Variants in G2E3 observed in about 807,000 individuals in gnomAD.
G2E3 encodes G2/M phase-specific E3 ubiquitin-protein ligase.
Under a neutral mutation model 92.8 loss-of-function variants are expected in G2E3, and 35 were observed. The observed-to-expected ratio is 0.38, with a 90% CI of 0.29 to 0.50. The LOEUF (loss-of-function observed/expected upper bound fraction) is 0.50. G2E3 is among the 20% of genes least tolerant of loss of function. G2E3 has a pLI of 0.94. For synonymous variants in G2E3, 242 were observed against 272.4 expected (o/e 0.89, Z 1.10); for missense variants, 554 against 823.8 (o/e 0.67, Z 4.01).
rs1470887577 is a variant in G2E3 at position 30,619,486 on chromosome 14, G to C, written c.*2952G>C. On this transcript the variant is annotated 3_prime_UTR_variant, in exon 15 of 15. Coordinates refer to ENST00000206595, the MANE Select transcript of G2E3 (RefSeq NM_017769.5). Reference sequence around the variant, plus strand: ...GTACTGCATTGTTACTTTAAAATAAGCTATTAAACTAGTTTTTATGGTTCA... The same window carrying C: ...GTACTGCATTGTTACTTTAAAATAACCTATTAAACTAGTTTTTATGGTTCA... 6.6e-6 allele frequency: 1 copy of C among 152,044 alleles called. No individual in the cohort carries two copies. Among genetic ancestry groups the C allele is most frequent in the Non-Finnish European group, 1.5e-5 (1 of 67,946 alleles). 9.4% of individuals were successfully genotyped at this position (152,044 alleles called of 1,614,324 possible).
intron 10 of G2E3, 131 bp from the exon 11 acceptor site, chr14:30,605,374 G>C: frequency 2.2e-6 from 1 of 447,714 alleles, no homozygotes; most frequent in Non-Finnish European, 4.0e-6. Context: ...TTACAATTTT[G>C]GGTGGGAATT....
intron 13 of G2E3, 53 bp downstream of exon 13, chr14:30,612,432 T>G: frequency 9.1e-7 from 1 of 1,102,194 alleles, no homozygotes; most frequent in Non-Finnish European, 1.3e-6. Context: ...TTTAAAGTGG[T>G]TAATTATCTT....
At chr14:30,612,111 A>G in intron 12 of G2E3, 96 bp from the exon 13 acceptor site, 1 of 843,976 alleles carries the variant, frequency 1.2e-6, no homozygotes. Flanking sequence ...CATATGTACT[A>G]AGAAATTTGA....
chr14:30,578,534 A>C (rs1026081494), intron 1 of G2E3, among the ~76,000 whole-genome samples: 3 of 152,240 alleles, frequency 2.0e-5, no homozygotes, highest in African/African-American at 7.2e-5. Flanking sequence ...AGTAGATTTT[A>C]TACAGGATTT....
chr14:30,619,003 A>G lies in G2E3; in HGVS notation c.*2469A>G, dbSNP rs958986572. The stretch of plus-strand genomic sequence containing the variant: ...GTTGAGGAAAACTATAAATTGATCT[A>G]TAATGCATCTACTGTTAATGGTTTT... On this transcript the variant is annotated 3_prime_UTR_variant, in exon 15 of 15. Transcript: ENST00000206595. The G allele has an allele frequency of 6.6e-6, 1 of 152,104 alleles. No homozygotes were observed. The highest frequency in any genetic ancestry group is 1.5e-5 in the Non-Finnish European group (1 of 67,944). The allele number at this position is 152,104 out of a possible 1,614,324, so 9.4% of individuals were successfully genotyped here.
Position 30,597,497 on chromosome 14 carries a change from G to A in G2E3, c.606G>A (p.Met202Ile). The change falls in exon 7 of 15, where the codon ATG (methionine) becomes ATA (isoleucine). Residue 202 changes from methionine to isoleucine, a missense_variant. Met to Ile is a conservative substitution (Grantham distance 10). Around this residue, in one of 3 missense-constraint regions of G2E3, gnomAD observed 20 missense variants for 62.3 expected, o/e 0.32. Coordinates refer to ENST00000206595, the MANE Select transcript of G2E3 (RefSeq NM_017769.5). ...ATAGTGACATCTTTCAGAAAGAGATGTTGAGAATGGGAATTCATATTCCTG... is the reference window on the plus strand; with the variant it reads ...ATAGTGACATCTTTCAGAAAGAGATATTGAGAATGGGAATTCATATTCCTG... ...CNNSDIFQKE[M>I]LRMGIHIPEK... is the part of the protein sequence containing the mutation. The A allele has an allele frequency of 1.3e-6, 2 of 1,554,152 alleles. No homozygotes were observed. The highest frequency in any genetic ancestry group is 1.8e-6 in the Non-Finnish European group (2 of 1,125,484).
At chr14:30,609,346 T>C (rs1275563790) in intron 12 of G2E3, among the ~76,000 whole-genome samples, 1 of 152,206 alleles carries the variant, frequency 6.6e-6, no homozygotes, top group Non-Finnish European at 1.5e-5. Flanking sequence ...TAGTTCATAG[T>C]TTATATCCAG....
chr14:30,569,350 G>A (rs1298488163), intron 1 of G2E3, among the ~76,000 whole-genome samples: 2 of 152,092 alleles, frequency 1.3e-5, no homozygotes, highest in African/African-American at 2.4e-5. Flanking sequence ...TAATAGGTAG[G>A]TATTATCATC....
chr14:30,614,776 C>G (rs919065807), intron 13 of G2E3, among the ~76,000 whole-genome samples: 17 of 152,300 alleles, frequency 1.1e-4, no homozygotes, highest in African/African-American at 3.6e-4. Flanking sequence ...TTAAAATATT[C>G]AGTTGTTACT....
chr14:30,597,324 A>G, intron 6 of G2E3, 96 bp from the exon 7 acceptor site: 1 of 737,606 alleles, frequency 1.4e-6, no homozygotes, highest in South Asian at 1.6e-5. Context: ...TGTTTTCATA[A>G]TATATTGTTA....
chr14:30,610,078 T>A (rs1255548589), intron 12 of G2E3, among the ~76,000 whole-genome samples: 2 of 152,216 alleles, frequency 1.3e-5, no homozygotes, highest in Non-Finnish European at 2.9e-5. Context: ...TTGAAGCTCT[T>A]CATTAGGGCA....
At chr14:30,604,716 TA>T (rs947641142) in intron 10 of G2E3, among the ~76,000 whole-genome samples, 16 of 152,352 alleles carry the variant, frequency 1.1e-4, no homozygotes, top group African/African-American at 3.1e-4. Flanking sequence ...CTTTATGATT[TA>T]AAATATATTG....
In G2E3 at chr14:30,618,597, A is replaced by C. The variant is rs887883912; in HGVS notation, c.*2063A>C. ...TTCAATTCCTCATTTGACTTATTTT[A>C]TATATAGACAGGGCCTTAGTGATAA... On this transcript the variant is annotated 3_prime_UTR_variant, in exon 15 of 15. Transcript: ENST00000206595. The C allele has an allele frequency of 2.6e-5, 4 of 152,106 alleles. No individual in the cohort carries two copies. The highest frequency in any genetic ancestry group is 9.7e-5 in the African/African-American group (4 of 41,446). The allele number at this position is 152,106 out of a possible 1,614,324, so 9.4% of individuals were successfully genotyped here.
At chr14:30,590,993 AT>A (rs1880979582) in intron 4 of G2E3, 1 of 225,624 alleles carries the variant, frequency 4.4e-6, no homozygotes, top group Non-Finnish European at 9.0e-6. Flanking sequence ...TCCAATGAGC[AT>A]TTCCTTTGAG....
chr14:30,587,853 C>G (rs1176676549), intron 3 of G2E3, among the ~76,000 whole-genome samples: 1 of 152,226 alleles, frequency 6.6e-6, no homozygotes. Flanking sequence ...ACTAATGTCA[C>G]TTTTGCTTTA....
chr14:30,603,537 C>T (rs1033239242), intron 10 of G2E3, among the ~76,000 whole-genome samples: 1 of 152,084 alleles, frequency 6.6e-6, no homozygotes, highest in Non-Finnish European at 1.5e-5. Flanking sequence ...TGATGAAATA[C>T]TTTCTTGTTA....
At chr14:30,611,294 G>A (rs964736107) in intron 12 of G2E3, 1 of 152,088 alleles carries the variant, frequency 6.6e-6, no homozygotes, top group African/African-American at 2.4e-5. Context: ...ACTCCGACAG[G>A]GTGTAAAGAT....
At position 30,589,493 on chromosome 14, in the gene G2E3, A is replaced by G. The variant is rs764346943; in HGVS notation, c.237+9A>G. ...ATAGAGCTTCTAAACTGGTAAGTAA[A>G]TTATTTTACTATTAAGTAATGTCAT... On this transcript the variant is annotated intron_variant, in intron 4 of 14. Transcript: ENST00000206595. 1.6e-6 allele frequency: 2 copies of G among 1,281,838 alleles called. No individual in the cohort carries two copies. Among genetic ancestry groups the G allele is most frequent in the African/African-American group, 1.5e-5 (1 of 68,282 alleles). 79.4% of individuals were successfully genotyped at this position (1,281,838 alleles called of 1,614,324 possible). A position where few individuals can be genotyped will look rare whatever the true frequency, so the allele number is the denominator to read the frequency against.
At chr14:30,585,884 T>C (rs1880687658) in intron 2 of G2E3, among the ~76,000 whole-genome samples, 2 of 152,150 alleles carry the variant, frequency 1.3e-5, no homozygotes, top group South Asian at 4.1e-4. Flanking sequence ...CATTTCTGAG[T>C]ATGTGTACAT....
Sources: allele counts gnomAD v4.1 joint callset (sites outside exome capture counted in the v4.1 genomes callset), GRCh38; gene constraint gnomAD v4.1.1; regional missense constraint gnomAD v4.1.1; transcripts MANE v1.5; gene names NCBI Gene and HGNC (gene_info 2026-07-23, HGNC 2026-07-21).